The following RBFOX1 variants were observed in gnomAD, a reference collection of about 807,000 sequenced individuals.
RBFOX1 encodes RNA binding fox-1 homolog 1.
Under a neutral mutation model 57.7 loss-of-function variants are expected in RBFOX1, and 8 were observed. The ratio of observed to expected loss-of-function variants is 0.14; its 90% CI spans 0.08 to 0.25. RBFOX1 has a LOEUF of 0.25. Among genes scored for constraint, RBFOX1 ranks in the 10% least tolerant of loss-of-function variants. The pLI is 1.00. For missense variants in RBFOX1, 611 were observed against 548.5 expected, an observed-to-expected ratio of 1.11 and a Z score of -1.14; for synonymous variants, 326 against 222.4, an observed-to-expected ratio of 1.47 and a Z score of -4.15.
chr16:6,025,983 T>C (rs936549569), intron 1 of RBFOX1, among the ~76,000 whole-genome samples: 11 of 152,194 alleles, frequency 7.2e-5, no homozygotes, highest in African/African-American at 2.7e-4. Context: ...TTCATGGCTG[T>C]GTGTTGTGCT....
intron 1 of RBFOX1, among the ~76,000 whole-genome samples, chr16:6,248,448 T>A (rs2097582365): frequency 6.6e-6 from 1 of 152,142 alleles, no homozygotes; most frequent in African/African-American, 2.4e-5. Flanking sequence ...TGGGTATAAA[T>A]AAGCTTTATG....
chr16:6,721,739 T>A (rs1317699300), intron 3 of RBFOX1: 1 of 152,136 alleles, frequency 6.6e-6, no homozygotes, highest in Non-Finnish European at 1.5e-5. Flanking sequence ...TTTGTTTAAT[T>A]AATTAATTAA....
intron 4 of RBFOX1, among the ~76,000 whole-genome samples, chr16:5,990,281 T>C (rs2060369215): frequency 6.6e-6 from 1 of 152,122 alleles, no homozygotes; most frequent in Admixed American, 6.6e-5. Flanking sequence ...ATGAGCCCAC[T>C]GTACCCAGCC....
At chr16:5,773,582 C>A (rs961071390) in intron 3 of RBFOX1, among the ~76,000 whole-genome samples, 2 of 152,186 alleles carry the variant, frequency 1.3e-5, no homozygotes, top group African/African-American at 4.8e-5. Context: ...TTTTCCCATT[C>A]TGAACAGTGT....
chr16:6,435,644 T>C (rs140819415), intron 2 of RBFOX1, among the ~76,000 whole-genome samples: 83 of 152,298 alleles, frequency 5.4e-4, no homozygotes, highest in Admixed American at 1.6e-3. Context: ...GCAAGATTTA[T>C]AGACACTGGG....
intron 3 of RBFOX1, among the ~76,000 whole-genome samples, chr16:5,714,664 T>C (rs1238453130): frequency 2.6e-5 from 4 of 152,224 alleles, no homozygotes; most frequent in Admixed American, 2.6e-4. Flanking sequence ...TCATTTGTCA[T>C]CTCTGCAAGA....
At chr16:7,567,714 A>ATATAATCCC (rs1405508747) in intron 5 of RBFOX1, among the ~76,000 whole-genome samples, 2 of 71,216 alleles carry the variant, frequency 2.8e-5, no homozygotes, top group African/African-American at 1.2e-4. Flanking sequence ...TAATCCCTAT[A>ATATAATCCC]TATATATATC....
chr16:7,002,269 T>C (rs1390876240), intron 3 of RBFOX1, among the ~76,000 whole-genome samples: 1 of 152,220 alleles, frequency 6.6e-6, no homozygotes, highest in Non-Finnish European at 1.5e-5. Flanking sequence ...ATCTATCTAC[T>C]TTGGAACTTT....
chr16:6,157,622 T>TCCGG (rs1312326869), intron 1 of RBFOX1, among the ~76,000 whole-genome samples: 1 of 152,198 alleles, frequency 6.6e-6, no homozygotes, highest in Non-Finnish European at 1.5e-5. Flanking sequence ...GAAGTTTATT[T>TCCGG]GTAAGCTTAA....
chr16:5,705,284 C>T (rs2051200369), intron 3 of RBFOX1, among the ~76,000 whole-genome samples: 1 of 152,028 alleles, frequency 6.6e-6, no homozygotes, highest in Non-Finnish European at 1.5e-5. Context: ...TAGTTTTAGA[C>T]AGGGTCTTGC....
At chr16:5,841,974 T>G (rs1191394471) in intron 3 of RBFOX1, among the ~76,000 whole-genome samples, 1 of 152,250 alleles carries the variant, frequency 6.6e-6, no homozygotes, top group East Asian at 1.9e-4. Context: ...GCTGCCATCC[T>G]CGCCCAGAGG....
At chr16:7,496,673 T>C (rs1444591864) in intron 4 of RBFOX1, among the ~76,000 whole-genome samples, 2 of 138,720 alleles carry the variant, frequency 1.4e-5, no homozygotes, top group African/African-American at 2.7e-5. Flanking sequence ...ATTCCAACAA[T>C]GTAAACCTTA....
intron 4 of RBFOX1, among the ~76,000 whole-genome samples, chr16:7,485,995 G>A (rs1341121574): frequency 9.9e-5 from 15 of 152,142 alleles, no homozygotes. Flanking sequence ...GCCCCATAGA[G>A]CTGAAAGTGT....
At chr16:7,640,694 G>T (rs778778556) in intron 11 of RBFOX1, among the ~76,000 whole-genome samples, 5 of 152,200 alleles carry the variant, frequency 3.3e-5, no homozygotes, top group Non-Finnish European at 5.9e-5. Context: ...AGCATTGACA[G>T]AAAGTGTTTT....
At chr16:6,506,546 T>G (rs1001285596) in intron 2 of RBFOX1, among the ~76,000 whole-genome samples, 2 of 151,636 alleles carry the variant, frequency 1.3e-5, no homozygotes, top group African/African-American at 4.9e-5. Flanking sequence ...GGGACATCTA[T>G]GGACCCACAG....
chr16:6,491,537 T>A (rs562782298), intron 2 of RBFOX1, among the ~76,000 whole-genome samples: 1 of 152,344 alleles, frequency 6.6e-6, no homozygotes, highest in African/African-American at 2.4e-5. Flanking sequence ...TGTTGTAATG[T>A]ACTAGCTAAT....
chr16:5,980,253 C>T (rs2060145371), intron 4 of RBFOX1, among the ~76,000 whole-genome samples: 1 of 152,218 alleles, frequency 6.6e-6, no homozygotes, highest in Non-Finnish European at 1.5e-5. Flanking sequence ...TTGCCATCTC[C>T]AAATCGACTC....
intron 3 of RBFOX1, among the ~76,000 whole-genome samples, chr16:6,920,104 G>A (rs1019015032): frequency 6.6e-6 from 1 of 152,144 alleles, no homozygotes; most frequent in Non-Finnish European, 1.5e-5. Context: ...TTGCTGCATA[G>A]GCCATTATTT....
chr16:5,676,185 C>T (rs539960375), intron 3 of RBFOX1, among the ~76,000 whole-genome samples: 1 of 152,060 alleles, frequency 6.6e-6, no homozygotes, highest in East Asian at 1.9e-4. Context: ...TGTAGCAAAC[C>T]ACCATGGCAC....
Sources: allele counts gnomAD v4.1 joint callset (sites outside exome capture counted in the v4.1 genomes callset), GRCh38; gene constraint gnomAD v4.1.1; transcripts MANE v1.5; gene names NCBI Gene and HGNC (gene_info 2026-07-23, HGNC 2026-07-21).